Variants in KCNQ5 observed in about 807,000 individuals in gnomAD.
KCNQ5 encodes the protein potassium voltage-gated channel subfamily Q member 5, also known as potassium voltage-gated channel subfamily KQT member 5.
A neutral mutation model predicts 98.2 loss-of-function variants in KCNQ5; 30 were observed. The ratio of observed to expected loss-of-function variants is 0.31; its 90% CI spans 0.23 to 0.41. KCNQ5 has a LOEUF of 0.41. Ranked by LOEUF, KCNQ5 falls within the 10% of genes least tolerant of loss-of-function variation. The probability of loss-of-function intolerance (pLI) is 1.00; values close to 1 mark genes in which losing one functional copy is unlikely to be tolerated. For missense variants in KCNQ5, 835 were observed against 1,182.5 expected, an observed-to-expected ratio of 0.71 and a Z score of 4.31; for synonymous variants, 458 against 449.4, an observed-to-expected ratio of 1.02 and a Z score of -0.24.
chr6:73,086,613 T>C (rs1160765911), intron 5 of KCNQ5, among the ~76,000 whole-genome samples: 1 of 152,210 alleles, frequency 6.6e-6, no homozygotes, highest in Non-Finnish European at 1.5e-5. Flanking sequence ...TTCATTTATT[T>C]ACTAAATATT....
At chr6:72,762,833 G>T (rs893782399) in intron 1 of KCNQ5, among the ~76,000 whole-genome samples, 5 of 152,062 alleles carry the variant, frequency 3.3e-5, no homozygotes, top group Admixed American at 2.6e-4. Flanking sequence ...ATTTTAGTTA[G>T]ATTTTCTCTT....
intron 1 of KCNQ5, among the ~76,000 whole-genome samples, chr6:72,923,077 G>A (rs1780478981): frequency 6.6e-6 from 1 of 152,016 alleles, no homozygotes. Context: ...CTCCCAAAGT[G>A]CTGGGATTAC....
chr6:73,163,454 ATAAC>A (rs1004575866), intron 10 of KCNQ5, among the ~76,000 whole-genome samples: 1 of 152,182 alleles, frequency 6.6e-6, no homozygotes, highest in Non-Finnish European at 1.5e-5. Flanking sequence ...TTGGTTAAAA[ATAAC>A]TAAATAGGCC....
At chr6:73,060,055 C>G (rs148054482) in intron 3 of KCNQ5, among the ~76,000 whole-genome samples, 1 of 152,172 alleles carries the variant, frequency 6.6e-6, no homozygotes, top group Non-Finnish European at 1.5e-5. Flanking sequence ...AAATTGCCAC[C>G]AAGACCCAGT....
chr6:72,873,698 A>G (rs1581936875), intron 1 of KCNQ5, among the ~76,000 whole-genome samples: 1 of 152,142 alleles, frequency 6.6e-6, no homozygotes. Flanking sequence ...GAGCATCTCA[A>G]TAGGAGTAGT....
intron 1 of KCNQ5, among the ~76,000 whole-genome samples, chr6:72,937,651 CAAA>C (rs1401122811): frequency 6.6e-6 from 1 of 152,114 alleles, no homozygotes. Context: ...ATCAGCCACA[CAAA>C]GAAGTCCTCA....
chr6:72,978,270 G>C, intron 1 of KCNQ5, among the ~76,000 whole-genome samples: 1 of 152,086 alleles, frequency 6.6e-6, no homozygotes, highest in East Asian at 1.9e-4. Context: ...ATTTTTCCTG[G>C]AAAAGACACA....
At chr6:72,970,145 A>G (rs950576170) in intron 1 of KCNQ5, among the ~76,000 whole-genome samples, 1 of 152,048 alleles carries the variant, frequency 6.6e-6, no homozygotes, top group African/African-American at 2.4e-5. Context: ...AGAAGTTCCA[A>G]TTACTCCAGA....
At chr6:73,137,501 G>A (rs893007783) in intron 10 of KCNQ5, among the ~76,000 whole-genome samples, 6 of 152,166 alleles carry the variant, frequency 3.9e-5, no homozygotes, top group Non-Finnish European at 7.4e-5. Context: ...TTCATTGACA[G>A]TATGTAACCC....
intron 3 of KCNQ5, among the ~76,000 whole-genome samples, chr6:73,070,194 T>A (rs537320493): frequency 4.1e-4 from 63 of 152,322 alleles, no homozygotes; most frequent in African/African-American, 1.4e-3. Context: ...ACGTTTACAA[T>A]AATTGATACT....
chr6:72,872,348 A>G (rs1157972233), intron 1 of KCNQ5, among the ~76,000 whole-genome samples: 2 of 152,216 alleles, frequency 1.3e-5, no homozygotes, highest in African/African-American at 4.8e-5. Flanking sequence ...TCATAAGAGC[A>G]TAAGGAGGTC....
At position 72,633,316 on chromosome 6, in the gene KCNQ5, G is replaced by A. The variant is rs1000812216; in HGVS notation, c.398+10729G>A. 1.5e-4 allele frequency among the ~76,000 whole-genome samples: 23 copies of A among 152,128 alleles called. No homozygotes were observed. The Middle Eastern group carries it at 0.01, about 67-fold the overall frequency. ...TGATTTGTTTAAGTTCATAGACTTCGGATATTAGAGCTTTGTCAGATGCAT... is the reference window on the plus strand; with the variant it reads ...TGATTTGTTTAAGTTCATAGACTTCAGATATTAGAGCTTTGTCAGATGCAT... On this transcript the variant is annotated intron_variant, in intron 1 of 13. Coordinates refer to ENST00000370398, the MANE Select transcript of KCNQ5 (RefSeq NM_019842.4).
intron 1 of KCNQ5, among the ~76,000 whole-genome samples, chr6:72,849,582 T>C (rs546162902): frequency 6.6e-6 from 1 of 152,254 alleles, no homozygotes; most frequent in Admixed American, 6.5e-5. Flanking sequence ...ATGTGAAAAT[T>C]TGATGATCTG....
intron 11 of KCNQ5, among the ~76,000 whole-genome samples, chr6:73,173,515 G>A (rs3823118): frequency 0.26 from 40,211 of 152,034 alleles, 8,730 homozygotes; most frequent in African/African-American, 0.56. Flanking sequence ...CCTTCAAAAT[G>A]TCAAGTATCT....
At chr6:72,897,330 C>G (rs1267323498) in intron 1 of KCNQ5, among the ~76,000 whole-genome samples, 1 of 151,958 alleles carries the variant, frequency 6.6e-6, no homozygotes, top group African/African-American at 2.4e-5. Flanking sequence ...CACTTGAGGT[C>G]AGGAGTTTGA....
At chr6:72,650,119 G>A (rs938891382) in intron 1 of KCNQ5, among the ~76,000 whole-genome samples, 1 of 152,080 alleles carries the variant, frequency 6.6e-6, no homozygotes, top group Non-Finnish European at 1.5e-5. Context: ...ATGCACTTAT[G>A]TGAGATATAA....
chr6:72,953,294 C>A (rs1025350858), intron 1 of KCNQ5, among the ~76,000 whole-genome samples: 2 of 152,214 alleles, frequency 1.3e-5, no homozygotes, highest in Admixed American at 1.3e-4. Context: ...TTACAGCCAA[C>A]TAGCTACAAA....
At chr6:72,881,536 A>C (rs1385589318) in intron 1 of KCNQ5, among the ~76,000 whole-genome samples, 2 of 152,194 alleles carry the variant, frequency 1.3e-5, no homozygotes, top group Admixed American at 6.5e-5. Context: ...ATTATCTATC[A>C]ACATTTCTTC....
At chr6:72,933,591 G>A (rs993831899) in intron 1 of KCNQ5, among the ~76,000 whole-genome samples, 2 of 152,112 alleles carry the variant, frequency 1.3e-5, no homozygotes, top group African/African-American at 4.8e-5. Flanking sequence ...TTTCAAATTA[G>A]CTCTAGTGAG....
Sources: allele counts gnomAD v4.1 joint callset (sites outside exome capture counted in the v4.1 genomes callset), GRCh38; gene constraint gnomAD v4.1.1; transcripts MANE v1.5; gene names NCBI Gene and HGNC (gene_info 2026-07-23, HGNC 2026-07-21).